L3HYPDH: variants seen among roughly 807,000 people sequenced by gnomAD.
L3HYPDH encodes the protein trans-L-3-hydroxyproline dehydratase.
Under a neutral mutation model 26.5 loss-of-function variants are expected in L3HYPDH, and 32 were observed. The observed-to-expected ratio is 1.21, with a 90% CI of 0.91 to 1.62. The LOEUF (loss-of-function observed/expected upper bound fraction) is 1.62. Among genes scored for constraint, L3HYPDH ranks in the 40% most tolerant of loss-of-function variants. L3HYPDH has a pLI of 0.00. For missense variants in L3HYPDH, 554 were observed against 476.4 expected, an observed-to-expected ratio of 1.16 and a Z score of -1.52; for synonymous variants, 215 against 196.6, an observed-to-expected ratio of 1.09 and a Z score of -0.78.
downstream of L3HYPDH, among the ~76,000 whole-genome samples, chr14:59,471,101 A>T (rs1206290508): frequency 2.0e-5 from 3 of 152,012 alleles, no homozygotes; most frequent in Non-Finnish European, 4.4e-5. Flanking sequence ...AGACATGTGG[A>T]GGTCAGAGGA....
chr14:59,505,188 CT>C, the L3HYPDH span: 5 of 994,470 alleles, frequency 5.0e-6, 1 homozygote, highest in South Asian at 5.6e-5. Flanking sequence ...AGTGCACTCA[CT>C]TTTCCTGTAG....
At chr14:59,476,298 A>G (rs2139808988) in intron 2 of L3HYPDH, 84 bp from the exon 3 acceptor site, 6 of 1,023,582 alleles carry the variant, frequency 5.9e-6, no homozygotes, top group Non-Finnish European at 8.4e-6. Context: ...ATTCTTAGAC[A>G]TAACTTTTTA....
rs1176968839 is a variant in L3HYPDH at position 59,474,391 on chromosome 14, C to T, written c.940-1301G>A. 6.4e-6 allele frequency: 4 copies of T among 623,216 alleles called. No individual in the cohort carries two copies. The African/African-American group carries it at 7.4e-5, about 12-fold the overall frequency. The allele number at this position is 623,216 out of a possible 1,614,324, so 38.6% of individuals were successfully genotyped here. A position where few individuals can be genotyped will look rare whatever the true frequency, so the allele number is the denominator to read the frequency against. ...TCTCCACAGTTGTTCAGCTGCTTCCCAGGAGTGCCTTATATGGAAGTTCTA... is the reference window on the plus strand; with the variant it reads ...TCTCCACAGTTGTTCAGCTGCTTCCTAGGAGTGCCTTATATGGAAGTTCTA... On this transcript the variant is annotated intron_variant, in intron 4 of 4. Coordinates refer to ENST00000247194, the MANE Select transcript of L3HYPDH (RefSeq NM_144581.2).
At chr14:59,500,781 C>T in the L3HYPDH span, 1 of 153,908 alleles carries the variant, frequency 6.5e-6, no homozygotes, top group African/African-American at 2.4e-5. Flanking sequence ...CTTAATAAGG[C>T]AAGGTTCTTC....
chr14:59,485,445 T>C, upstream of L3HYPDH: 2 of 223,674 alleles, frequency 8.9e-6, no homozygotes, highest in Non-Finnish European at 1.7e-5. Flanking sequence ...TCAATGCTGT[T>C]TCTCTTTTTC....
chr14:59,493,356 C>T, the L3HYPDH span, among the ~76,000 whole-genome samples: 1 of 152,156 alleles, frequency 6.6e-6, no homozygotes, highest in African/African-American at 2.4e-5. Flanking sequence ...TGAGTTAGTC[C>T]TTTTAAATGC....
chr14:59,496,799 T>G, the L3HYPDH span, among the ~76,000 whole-genome samples: 1 of 152,196 alleles, frequency 6.6e-6, no homozygotes, highest in Non-Finnish European at 1.5e-5. Context: ...TTACCAACAG[T>G]CATTGTAGAA....
chr14:59,467,149 ATG>A (rs1181241799), intron 1 of L3HYPDH, among the ~76,000 whole-genome samples: 1 of 132,378 alleles, frequency 7.6e-6, no homozygotes, highest in Non-Finnish European at 1.6e-5. Flanking sequence ...TCTTAAAAAT[ATG>A]TGAGTGAAAT....
chr14:59,472,222 G>C (rs1889331597), downstream of L3HYPDH, among the ~76,000 whole-genome samples: 1 of 152,158 alleles, frequency 6.6e-6, no homozygotes, highest in African/African-American at 2.4e-5. Context: ...AATCTACCTA[G>C]CATGCAGCTG....
chr14:59,477,159 A>G (rs1889689881), intron 2 of L3HYPDH, among the ~76,000 whole-genome samples: 1 of 152,144 alleles, frequency 6.6e-6, no homozygotes, highest in South Asian at 2.1e-4. Context: ...ACATTCCAAC[A>G]TAACACTGTT....
At chr14:59,498,558 G>A in the L3HYPDH span, among the ~76,000 whole-genome samples, 1 of 152,268 alleles carries the variant, frequency 6.6e-6, no homozygotes, top group African/African-American at 2.4e-5. Flanking sequence ...ACCCTTGCTA[G>A]CCGTGTATGA....
downstream of L3HYPDH, among the ~76,000 whole-genome samples, chr14:59,469,304 C>T (rs200349323): frequency 2.8e-4 from 42 of 152,086 alleles, no homozygotes; most frequent in East Asian, 3.3e-3. Flanking sequence ...CCTGTAATCC[C>T]AGCACTTTGG....
chr14:59,484,356 G>C lies in L3HYPDH; in HGVS notation c.-40C>G. ...GAGACGAGTACGGTCCCGCAGCTAT[G>C]GCTTCAAGCCCGACCCTCACCCACT... On this transcript the variant is annotated 5_prime_UTR_variant, in exon 1 of 5. Transcript: ENST00000247194. 6.5e-7 allele frequency: 1 copy of C among 1,544,758 alleles called. No homozygotes were observed. Among genetic ancestry groups the C allele is most frequent in the Non-Finnish European group, 8.7e-7 (1 of 1,148,728 alleles).
chr14:59,497,333 C>A, the L3HYPDH span, among the ~76,000 whole-genome samples: 3 of 152,116 alleles, frequency 2.0e-5, no homozygotes, highest in Non-Finnish European at 4.4e-5. Flanking sequence ...TTTAAACTAT[C>A]CCCACATGTA....
At chr14:59,485,231 T>A (rs568049281), upstream of L3HYPDH, 57 of 1,131,890 alleles carry the variant, frequency 5.0e-5, no homozygotes, top group Non-Finnish European at 6.9e-5. Flanking sequence ...ATCTACTAGA[T>A]GTAAAGCCCA....
Position 59,484,183 on chromosome 14 carries a change from G to C in L3HYPDH, c.134C>G (p.Pro45Arg). 6.3e-7 allele frequency: 1 copy of C among 1,599,532 alleles called. No homozygotes were observed. The highest frequency in any genetic ancestry group is 8.5e-7 in the Non-Finnish European group (1 of 1,179,638). ...VLAGCPEVSG[P>R]TLLAKRRYMR... ...GTAGCGCCGCTTGGCCAGCAGGGTGGGCCCAGACACCTCCGGACACCCCGC... is the reference window on the plus strand; with the variant it reads ...GTAGCGCCGCTTGGCCAGCAGGGTGCGCCCAGACACCTCCGGACACCCCGC... The change falls in exon 1 of 5, where the codon CCC (proline) becomes CGC (arginine). Residue 45 changes from proline to arginine, a missense_variant. Physicochemically the swap from Pro to Arg is moderately radical, Grantham distance 103 (BLOSUM62 -2). Coordinates refer to ENST00000247194, the MANE Select transcript of L3HYPDH (RefSeq NM_144581.2).
At chr14:59,491,467 A>G in the L3HYPDH span, among the ~76,000 whole-genome samples, 1 of 152,270 alleles carries the variant, frequency 6.6e-6, no homozygotes, top group Non-Finnish European at 1.5e-5. Context: ...ATGGCAAGAA[A>G]TAATGAAGTT....
chr14:59,505,229 T>C, the L3HYPDH span: 2 of 1,419,452 alleles, frequency 1.4e-6, no homozygotes, highest in South Asian at 1.3e-5. Flanking sequence ...ACAGCAGTTG[T>C]ATCCTTGAGT....
At chr14:59,479,802 A>C (rs1160845118) in intron 1 of L3HYPDH, among the ~76,000 whole-genome samples, 2 of 152,198 alleles carry the variant, frequency 1.3e-5, no homozygotes, top group Non-Finnish European at 2.9e-5. Flanking sequence ...TCAAAACATA[A>C]ATTTTAATAA....
Sources: allele counts gnomAD v4.1 joint callset (sites outside exome capture counted in the v4.1 genomes callset), GRCh38; gene constraint gnomAD v4.1.1; transcripts MANE v1.5; gene names NCBI Gene and HGNC (gene_info 2026-07-23, HGNC 2026-07-21).